PGPEP1L: variants seen among roughly 807,000 people sequenced by gnomAD.
The protein encoded by PGPEP1L is pyroglutamyl-peptidase I like, also known as pyroglutamyl-peptidase 1-like protein.
PGPEP1L carries 7 observed loss-of-function variants against 6.0 expected under a neutral mutation model. The ratio of observed to expected loss-of-function variants is 1.17; its 90% CI spans 0.66 to 2.19. PGPEP1L has a LOEUF of 2.19. PGPEP1L is among the 30% of genes most tolerant of loss of function. The probability of loss-of-function intolerance (pLI) is 0.00; values close to 1 mark genes in which losing one functional copy is unlikely to be tolerated. For missense variants in PGPEP1L, 209 were observed against 192.5 expected (o/e 1.09, Z -0.51); for synonymous variants, 103 against 83.9 (o/e 1.23, Z -1.24).
At chr15:98,981,905 CTA>C (rs1479663016) in intron 2 of PGPEP1L, among the ~76,000 whole-genome samples, 10 of 152,138 alleles carry the variant, frequency 6.6e-5, no homozygotes, top group African/African-American at 2.4e-4. Flanking sequence ...GGTAAGGACT[CTA>C]GACTTGCTGG....
chr15:98,996,433 G>A (rs1417918370), intron 2 of PGPEP1L, among the ~76,000 whole-genome samples: 3 of 152,106 alleles, frequency 2.0e-5, no homozygotes, highest in African/African-American at 7.2e-5. Context: ...CTGTGTATGT[G>A]TGCTAACCAC....
chr15:99,006,033 T>G (rs1443837242), intron 1 of PGPEP1L, among the ~76,000 whole-genome samples: 2 of 152,142 alleles, frequency 1.3e-5, no homozygotes, highest in African/African-American at 4.8e-5. Context: ...ATATGTGAGA[T>G]GTGAGCAGAA....
At chr15:98,993,773 G>C (rs1329025715) in intron 2 of PGPEP1L, among the ~76,000 whole-genome samples, 1 of 151,448 alleles carries the variant, frequency 6.6e-6, no homozygotes, top group Non-Finnish European at 1.5e-5. Flanking sequence ...GTATACCTAT[G>C]TAACAAACCT....
In PGPEP1L at chr15:98,992,837, G is replaced by A. The variant is rs543290407; in HGVS notation, c.-142+12592C>T. 2.6e-5 allele frequency among the ~76,000 whole-genome samples: 4 copies of A among 152,304 alleles called. No individual in the cohort carries two copies. In the South Asian group the frequency reaches 8.3e-4, roughly 32 times the overall value. ...TCTTTGACAAACCTGACAAAAACAA[G>A]CAATGGGGAAAGGATTCCCTATTTA... is the stretch of plus-strand genomic sequence containing the variant. On this transcript the variant is annotated intron_variant, in intron 2 of 4. Coordinates refer to ENST00000535714, the MANE Select transcript of PGPEP1L (RefSeq NM_001167902.2).
rs2151756519 is a variant in PGPEP1L at position 98,977,426 on chromosome 15, TTA to T, written c.-141-6270_-141-6269del. Among the ~76,000 whole-genome samples the T allele has an allele frequency of 2.0e-5, 3 of 152,384 alleles. No homozygotes were observed. In the South Asian group the frequency reaches 6.2e-4, roughly 32 times the overall value. On this transcript the variant is annotated intron_variant, in intron 2 of 4. Coordinates refer to ENST00000535714, the MANE Select transcript of PGPEP1L (RefSeq NM_001167902.2). ...TTCAAAATGCTTGCTAATTTCCTTT[TTA>T]TGTCTCCTTTCATCTCTGGCTTATT...
Position 98,972,828 on chromosome 15 carries a change from G to C in PGPEP1L, c.-141-1670C>G, listed in dbSNP as rs1256540816. 2.3e-5 allele frequency among the ~76,000 whole-genome samples: 3 copies of C among 128,400 alleles called. No homozygotes were observed. The East Asian group carries it at 7.7e-4, about 33-fold the overall frequency. 84.2% of individuals were successfully genotyped at this position (128,400 alleles called of 152,430 possible). A position where few individuals can be genotyped will look rare whatever the true frequency, so the allele number is the denominator to read the frequency against. ...GGAGCTTGCAGTGAGCAGAGACCGT[G>C]CACCACTGCACTCCAGCCTGGGTGA... On this transcript the variant is annotated intron_variant, in intron 2 of 4. Coordinates refer to ENST00000535714, the MANE Select transcript of PGPEP1L (RefSeq NM_001167902.2).
chr15:98,978,942 A>C (rs1468091863), intron 2 of PGPEP1L, among the ~76,000 whole-genome samples: 5 of 151,674 alleles, frequency 3.3e-5, no homozygotes, highest in East Asian at 1.9e-4. Context: ...GTTGGCCAGG[A>C]TGGTCTCGAT....
At chr15:99,005,013 G>A (rs141509484) in intron 2 of PGPEP1L, among the ~76,000 whole-genome samples, 4 of 151,922 alleles carry the variant, frequency 2.6e-5, no homozygotes, top group African/African-American at 4.8e-5. Context: ...GCCTTGTGAG[G>A]GCCCTGTGGT....
At chr15:99,003,529 T>C (rs1370900114) in intron 2 of PGPEP1L, among the ~76,000 whole-genome samples, 1 of 152,124 alleles carries the variant, frequency 6.6e-6, no homozygotes, top group African/African-American at 2.4e-5. Context: ...TTGGTGCCAG[T>C]CTGAACACTT....
chr15:98,981,494 AAAAAAAAAAAAACAAAAAC>A (rs2017661054), intron 2 of PGPEP1L, among the ~76,000 whole-genome samples: 1 of 146,922 alleles, frequency 6.8e-6, no homozygotes, highest in African/African-American at 2.6e-5. Flanking sequence ...CGTCTCAAAA[AAAAAAAAAAAAACAAAAAC>A]AAAACAAAAA....
chr15:98,974,726 A>C (rs891735018), intron 2 of PGPEP1L, among the ~76,000 whole-genome samples: 13 of 152,142 alleles, frequency 8.5e-5, no homozygotes, highest in African/African-American at 2.9e-4. Context: ...GTGAAACCCC[A>C]TCTCCACTAA....
At chr15:99,002,744 G>C (rs1180344090) in intron 2 of PGPEP1L, among the ~76,000 whole-genome samples, 1 of 152,100 alleles carries the variant, frequency 6.6e-6, no homozygotes, top group Non-Finnish European at 1.5e-5. Context: ...CAATTAAGTG[G>C]GCTGCAGATA....
intron 2 of PGPEP1L, among the ~76,000 whole-genome samples, chr15:98,983,555 A>G (rs11852858): frequency 3.6e-4 from 55 of 152,270 alleles, no homozygotes; most frequent in African/African-American, 1.3e-3. Context: ...CTTAAGAGCT[A>G]AGCATGTAAT....
intron 2 of PGPEP1L, among the ~76,000 whole-genome samples, chr15:98,974,039 GATC>G (rs2017533833): frequency 6.6e-6 from 1 of 152,128 alleles, no homozygotes; most frequent in South Asian, 2.1e-4. Context: ...AAATACAAAG[GATC>G]ATCAGACACA....
intron 2 of PGPEP1L, among the ~76,000 whole-genome samples, chr15:98,974,949 C>G (rs970408095): frequency 1.5e-4 from 23 of 152,146 alleles, no homozygotes; most frequent in African/African-American, 5.3e-4. Flanking sequence ...ACCATATTAT[C>G]CAGAAATCTG....
At chr15:98,990,940 A>C (rs1483934005) in intron 2 of PGPEP1L, among the ~76,000 whole-genome samples, 14 of 152,216 alleles carry the variant, frequency 9.2e-5, no homozygotes, top group African/African-American at 3.4e-4. Flanking sequence ...AACGTACCAG[A>C]ATCTCTGGGA....
Position 98,971,172 on chromosome 15 carries a change from CAGG to C in PGPEP1L, c.-141-17_-141-15del. 1 of 1,421,284 alleles carries C rather than the reference CAGG, an allele frequency of 7.0e-7. No homozygotes were observed. Among genetic ancestry groups the C allele is most frequent in the South Asian group, 1.2e-5 (1 of 81,586 alleles). The allele number at this position is 1,421,284 out of a possible 1,614,324, so 88.0% of individuals were successfully genotyped here. A position where few individuals can be genotyped will look rare whatever the true frequency, so the allele number is the denominator to read the frequency against. Reference sequence around the variant, plus strand: ...CTTGGAGAGCTCCTGAGGAAAGCGGCAGGTGGACTTGCCTCAGTTGATGGGGGG... The same window carrying C: ...CTTGGAGAGCTCCTGAGGAAAGCGGCTGGACTTGCCTCAGTTGATGGGGGG... On this transcript the variant is annotated splice_polypyrimidine_tract_variant and intron_variant, in intron 2 of 4. Coordinates refer to ENST00000535714, the MANE Select transcript of PGPEP1L (RefSeq NM_001167902.2).
intron 2 of PGPEP1L, among the ~76,000 whole-genome samples, chr15:98,999,776 A>G (rs1049141036): frequency 6.6e-6 from 1 of 152,406 alleles, no homozygotes; most frequent in Admixed American, 6.5e-5. Context: ...AATGTCCATC[A>G]ACTGATGAAT....
intron 2 of PGPEP1L, among the ~76,000 whole-genome samples, chr15:98,992,727 T>C (rs2017836121): frequency 1.3e-5 from 2 of 152,216 alleles, no homozygotes; most frequent in Admixed American, 6.5e-5. Flanking sequence ...AAAAACAGCA[T>C]GGTACTAGTA....
Sources: allele counts gnomAD v4.1 joint callset (sites outside exome capture counted in the v4.1 genomes callset), GRCh38; gene constraint gnomAD v4.1.1; transcripts MANE v1.5; gene names NCBI Gene and HGNC (gene_info 2026-07-23, HGNC 2026-07-21).